Variants in BCKDHB observed in about 807,000 individuals in gnomAD.
BCKDHB encodes branched chain keto acid dehydrogenase E1 subunit beta.
A neutral mutation model predicts 48.5 loss-of-function variants in BCKDHB; 41 were observed. That is an observed-to-expected ratio of 0.85 (90% CI 0.66 to 1.10). The LOEUF (loss-of-function observed/expected upper bound fraction) is 1.10, where lower values mean the gene tolerates loss of function less well. BCKDHB is among the 50% of genes least tolerant of loss of function. The pLI is 0.00. For synonymous variants in BCKDHB, 201 were observed against 174.8 expected (o/e 1.15, Z -1.18); for missense variants, 496 against 494.2 (o/e 1.00, Z -0.03).
chr6:80,450,168 A>C, the BCKDHB span, among the ~76,000 whole-genome samples: 7 of 152,214 alleles, frequency 4.6e-5, no homozygotes, highest in Admixed American at 4.6e-4. Context: ...AAGATGAAGC[A>C]GCTCATAAAG....
intron 1 of BCKDHB, among the ~76,000 whole-genome samples, chr6:80,124,250 T>G (rs1202795875): frequency 1.3e-5 from 2 of 152,126 alleles, no homozygotes; most frequent in South Asian, 4.1e-4. Flanking sequence ...GCACTGCGGT[T>G]TGAGAGACAG....
chr6:80,205,791 G>GGTGTGTGTGTGTGTGTGTGTGT (rs3840387), intron 8 of BCKDHB, among the ~76,000 whole-genome samples: 2 of 135,106 alleles, frequency 1.5e-5, no homozygotes, highest in African/African-American at 5.7e-5. Flanking sequence ...CTGTGCCATG[G>GGTGTGTGTGTGTGTGTGTGTGT]GTGTGTGTGT....
chr6:80,431,107 A>G, the BCKDHB span, among the ~76,000 whole-genome samples: 1 of 152,172 alleles, frequency 6.6e-6, no homozygotes, highest in African/African-American at 2.4e-5. Flanking sequence ...CAGGTTGTTC[A>G]GTTTCCATAT....
At chr6:80,358,443 G>T in the BCKDHB span, among the ~76,000 whole-genome samples, 1 of 151,746 alleles carries the variant, frequency 6.6e-6, no homozygotes, top group Non-Finnish European at 1.5e-5. Context: ...TCTCTCTTTT[G>T]CCTTATGTAT....
chr6:80,414,042 A>G, the BCKDHB span, among the ~76,000 whole-genome samples: 1 of 152,080 alleles, frequency 6.6e-6, no homozygotes, highest in African/African-American at 2.4e-5. Context: ...GCATTTCTTT[A>G]ATAATCAGTG....
chr6:80,390,631 C>T, the BCKDHB span, among the ~76,000 whole-genome samples: 4 of 152,088 alleles, frequency 2.6e-5, no homozygotes, highest in African/African-American at 7.2e-5. Flanking sequence ...GGGATTGGTG[C>T]GTTTCCGGTT....
At chr6:80,342,556 GA>G (rs34127398) in intron 9 of BCKDHB, among the ~76,000 whole-genome samples, 653 of 24,094 alleles carry the variant, frequency 0.027, 1 homozygote, top group East Asian at 0.11. Context: ...CCTCATTTCT[GA>G]AAAAAAAAAA....
At chr6:80,258,128 A>G (rs1384951189) in intron 8 of BCKDHB, among the ~76,000 whole-genome samples, 3 of 152,166 alleles carry the variant, frequency 2.0e-5, no homozygotes, top group Non-Finnish European at 4.4e-5. Flanking sequence ...GTTCTGTATT[A>G]TGTCTGCCAT....
At chr6:80,209,624 C>G in intron 8 of BCKDHB, among the ~76,000 whole-genome samples, 1 of 151,830 alleles carries the variant, frequency 6.6e-6, no homozygotes, top group East Asian at 1.9e-4. Context: ...CATTTGGGTA[C>G]TATGAAAAAT....
chr6:80,245,106 A>G (rs552259126), intron 8 of BCKDHB, among the ~76,000 whole-genome samples: 1 of 152,104 alleles, frequency 6.6e-6, no homozygotes, highest in South Asian at 2.1e-4. Context: ...TAGGATAAAC[A>G]GAATTTTAAT....
the BCKDHB span, among the ~76,000 whole-genome samples, chr6:80,393,626 A>G: frequency 6.6e-6 from 1 of 152,210 alleles, no homozygotes; most frequent in South Asian, 2.1e-4. Flanking sequence ...ATTTTGTTAT[A>G]GCAGCCCAAA....
At chr6:80,466,516 C>T in the BCKDHB span, among the ~76,000 whole-genome samples, 2 of 152,112 alleles carry the variant, frequency 1.3e-5, no homozygotes, top group Non-Finnish European at 2.9e-5. Context: ...TATACACACA[C>T]ACAATATATA....
In BCKDHB at chr6:80,338,068, G is replaced by T. The variant is rs577105012; in HGVS notation, c.1039-5596G>T. Among the ~76,000 whole-genome samples, 12 of 152,234 alleles carry T rather than the reference G, an allele frequency of 7.9e-5. No individual in the cohort carries two copies. In the East Asian group the frequency reaches 2.1e-3, roughly 27 times the overall value. On this transcript the variant is annotated intron_variant, in intron 9 of 9. Coordinates refer to ENST00000320393, the MANE Select transcript of BCKDHB (RefSeq NM_183050.4). ...CTTCACAGTTTTCCAACTCAAGATG[G>T]TATATAGTCTTGCACAATGGGCTGT...
In BCKDHB at chr6:80,256,710, C is replaced by A. The variant is rs946057666; in HGVS notation, c.952-16425C>A. On this transcript the variant is annotated intron_variant, in intron 8 of 9. Transcript: ENST00000320393. ...CAGTTGCATAGCACTTCTCTCTGTG[C>A]TGGTGAAATCTAGTAACTCCTTATT... Among the ~76,000 whole-genome samples the A allele has an allele frequency of 2.0e-5, 3 of 152,104 alleles. No individual in the cohort carries two copies. In the South Asian group the frequency reaches 6.2e-4, roughly 32 times the overall value.
chr6:80,226,670 A>G (rs149490753), intron 8 of BCKDHB, among the ~76,000 whole-genome samples: 2 of 152,340 alleles, frequency 1.3e-5, no homozygotes, highest in African/African-American at 4.8e-5. Flanking sequence ...ATTTTCTTGG[A>G]TTACTTAACT....
At chr6:80,194,751 C>T (rs925491033) in intron 6 of BCKDHB, among the ~76,000 whole-genome samples, 1 of 152,088 alleles carries the variant, frequency 6.6e-6, no homozygotes, top group Non-Finnish European at 1.5e-5. Flanking sequence ...GAATATGTAC[C>T]CCACTGCTAA....
rs112736231 is a variant in BCKDHB at position 80,272,977 on chromosome 6, C to T, written c.952-158C>T. 5.3e-5 allele frequency among the ~76,000 whole-genome samples: 8 copies of T among 152,104 alleles called. No individual in the cohort carries two copies. The East Asian group carries it at 5.8e-4, about 11-fold the overall frequency. ...TTCAAAAATCAGATGACTGACCTGT[C>T]GAAAGCGAGTTGTAACTTATTGGCA... On this transcript the variant is annotated intron_variant, in intron 8 of 9. Transcript: ENST00000320393.
At chr6:80,178,732 T>G (rs2127787995) in intron 6 of BCKDHB, among the ~76,000 whole-genome samples, 1 of 152,300 alleles carries the variant, frequency 6.6e-6, no homozygotes, top group Non-Finnish European at 1.5e-5. Flanking sequence ...TTAGGGAAAT[T>G]AGACAACTTG....
At chr6:80,171,464 CT>C (rs371513454) in intron 6 of BCKDHB, 74 bp downstream of exon 6, 106 of 849,584 alleles carry the variant, frequency 1.2e-4, no homozygotes, top group African/African-American at 1.2e-3. Flanking sequence ...AAAGTTATAT[CT>C]TTTTTTTCTA....
Sources: gnomAD v4.1 joint callset for allele counts (sites outside exome capture counted in the v4.1 genomes callset) on GRCh38, gnomAD v4.1.1 for gene constraint, MANE v1.5 for transcripts, NCBI Gene and HGNC (gene_info 2026-07-23, HGNC 2026-07-21) for gene names.